Variants in C6orf118 observed in about 807,000 individuals in gnomAD.
C6orf118 encodes chromosome 6 open reading frame 118, also known as uncharacterized protein C6orf118.
A neutral mutation model predicts 50.2 loss-of-function variants in C6orf118; 50 were observed. The ratio of observed to expected loss-of-function variants is 1.00; its 90% CI spans 0.79 to 1.26. The LOEUF is 1.26. Among genes scored for constraint, C6orf118 ranks in the 50% most tolerant of loss-of-function variants. C6orf118 has a pLI of 0.00. For missense variants in C6orf118, 641 were observed against 578.7 expected, an observed-to-expected ratio of 1.11 and a Z score of -1.10; for synonymous variants, 239 against 230.9, an observed-to-expected ratio of 1.03 and a Z score of -0.32.
chr6:165,297,815 G>C (rs777276239), intron 5 of C6orf118, among the ~76,000 whole-genome samples, 162 bp downstream of exon 5: 1 of 152,200 alleles, frequency 6.6e-6, no homozygotes, highest in Non-Finnish European at 1.5e-5. Context: ...AGTCACATAG[G>C]TGATGGCCTG....
At chr6:165,309,501 C>T in intron 1 of C6orf118, 61 bp downstream of exon 1, 14 of 1,598,164 alleles carry the variant, frequency 8.8e-6, no homozygotes, top group Non-Finnish European at 1.2e-5. Context: ...AAGCCCATCC[C>T]TCCACAATTG....
chr6:165,301,446 A>G, intron 2 of C6orf118, 123 bp downstream of exon 2: 1 of 1,342,422 alleles, frequency 7.4e-7, no homozygotes, highest in East Asian at 2.3e-5. Context: ...CACTGCCCCA[A>G]GAGCTATGCC....
intron 8 of C6orf118, 122 bp from the exon 9 acceptor site, chr6:165,280,232 T>C (rs1779681437): frequency 4.5e-6 from 3 of 666,862 alleles, no homozygotes; most frequent in African/African-American, 3.7e-5. Context: ...GATGAGACTT[T>C]GTAATCATTT....
intron 5 of C6orf118, among the ~76,000 whole-genome samples, chr6:165,297,670 A>G (rs1385923993): frequency 6.6e-6 from 1 of 152,148 alleles, no homozygotes; most frequent in East Asian, 1.9e-4. Context: ...AGGGGCATTC[A>G]TATAAGGTGT....
At chr6:165,281,724 A>G (rs1242563180) in intron 7 of C6orf118, 31 bp from the exon 8 acceptor site, 1 of 1,320,514 alleles carries the variant, frequency 7.6e-7, no homozygotes, top group Non-Finnish European at 1.0e-6. Flanking sequence ...AACACAATAT[A>G]CTTGGTTAAA....
At chr6:165,281,918 G>A (rs1779742930) in intron 7 of C6orf118, 2 of 289,134 alleles carry the variant, frequency 6.9e-6, no homozygotes, top group African/African-American at 2.2e-5. Flanking sequence ...GGAAATTGAT[G>A]TTTCAAAATA....
chr6:165,301,520 A>C (rs746903962), intron 2 of C6orf118, 49 bp downstream of exon 2: 1 of 1,562,152 alleles, frequency 6.4e-7, no homozygotes, highest in Non-Finnish European at 8.6e-7. Flanking sequence ...ACCGAGAGCT[A>C]TGCCCTGAGA....
chr6:165,280,653 C>G (rs1779698042), intron 8 of C6orf118, among the ~76,000 whole-genome samples: 1 of 152,120 alleles, frequency 6.6e-6, no homozygotes, highest in Non-Finnish European at 1.5e-5. Context: ...TGGGTAGGAG[C>G]ACCTAGAAAG....
intron 5 of C6orf118, among the ~76,000 whole-genome samples, chr6:165,296,253 T>TTTG (rs1562330038): frequency 5.7e-5 from 3 of 52,958 alleles, no homozygotes; most frequent in African/African-American, 5.3e-4. Context: ...GTTTTTTGTT[T>TTTG]TTTTTTTTTT....
In C6orf118 at chr6:165,288,514, G is replaced by A. The variant is rs1485368026; in HGVS notation, c.1302+1372C>T. On this transcript the variant is annotated intron_variant, in intron 7 of 8. Coordinates refer to ENST00000230301, the MANE Select transcript of C6orf118 (RefSeq NM_144980.4). ...GTCCATTGCAGAACTATTCACAATA[G>A]CAAAGACATGGAATGAACCCAAATG... is the stretch of plus-strand genomic sequence containing the variant. 5.3e-5 allele frequency among the ~76,000 whole-genome samples: 8 copies of A among 152,198 alleles called. No homozygotes were observed. In the South Asian group the frequency reaches 1.2e-3, roughly 24 times the overall value.
chr6:165,282,530 A>G (rs1026552250), intron 7 of C6orf118, among the ~76,000 whole-genome samples: 2 of 152,110 alleles, frequency 1.3e-5, no homozygotes, highest in African/African-American at 4.8e-5. Flanking sequence ...CTGTACTTCA[A>G]AAAGAGGATT....
intron 7 of C6orf118, among the ~76,000 whole-genome samples, chr6:165,284,418 G>T (rs1779835594): frequency 6.6e-6 from 1 of 152,190 alleles, no homozygotes; most frequent in South Asian, 2.1e-4. Context: ...TCATCCAGGA[G>T]AACTTCCCCA....
intron 8 of C6orf118, among the ~76,000 whole-genome samples, chr6:165,280,685 T>G (rs1441109963): frequency 6.6e-6 from 1 of 152,152 alleles, no homozygotes; most frequent in Non-Finnish European, 1.5e-5. Flanking sequence ...CTGAATAAAA[T>G]GGAAAGCCTC....
intron 1 of C6orf118, among the ~76,000 whole-genome samples, chr6:165,307,536 C>T (rs113820942): frequency 6.7e-5 from 10 of 148,324 alleles, no homozygotes; most frequent in African/African-American, 1.8e-4. Flanking sequence ...CCAGCCTGGA[C>T]GACAGAGTGA....
rs759730791 is a variant in C6orf118 at position 165,309,573 on chromosome 6, C to G, written c.14G>C (p.Arg5Pro). The G allele has an allele frequency of 1.9e-6, 3 of 1,614,170 alleles. No individual in the cohort carries two copies. Among genetic ancestry groups the G allele is most frequent in the South Asian group, 1.1e-5 (1 of 91,084 alleles). Residue 5 changes from arginine (R) to proline (P), a missense_variant, in exon 1 of 9, where the codon CGG becomes CCG. Coordinates refer to ENST00000230301, the MANE Select transcript of C6orf118 (RefSeq NM_144980.4). The part of the protein sequence containing the change: MAEE[R>P]EPELYLKWKH... ...TCCAGGCCACTTACATTCAGGCTCC[C>G]GCTCCTCCGCCATCGCTTCCTTCCC...
rs762111866 is a variant in C6orf118 at position 165,293,296 on chromosome 6, C to T, written c.1120+117G>A. On this transcript the variant is annotated intron_variant, in intron 6 of 8. Coordinates refer to ENST00000230301, the MANE Select transcript of C6orf118 (RefSeq NM_144980.4). The stretch of plus-strand genomic sequence containing the variant: ...AATATGTTGAATTCTCGCAACAAAA[C>T]TCAGAGGGAGCATCAGCATCTTCCA... 13 of 946,200 alleles carry T rather than the reference C, an allele frequency of 1.4e-5. No homozygotes were observed. The East Asian group carries it at 2.6e-4, about 19-fold the overall frequency. The allele number at this position is 946,200 out of a possible 1,614,324, so 58.6% of individuals were successfully genotyped here.
chr6:165,282,713 A>G (rs1243190044), intron 7 of C6orf118, among the ~76,000 whole-genome samples: 1 of 150,488 alleles, frequency 6.6e-6, no homozygotes, highest in African/African-American at 2.4e-5. Context: ...CAATTACATA[A>G]TAGAATAACA....
intron 7 of C6orf118, 99 bp downstream of exon 7, chr6:165,289,787 G>T: frequency 2.8e-6 from 2 of 707,520 alleles, no homozygotes; most frequent in Admixed American, 3.2e-5. Flanking sequence ...CAAATTTTAT[G>T]ATTTTTTTAC....
Position 165,297,328 on chromosome 6 carries a change from C to T in C6orf118, c.1061+649G>A, listed in dbSNP as rs186899135. On this transcript the variant is annotated intron_variant, in intron 5 of 8. Transcript: ENST00000230301. ...CCCAGCTACTCAGGAGGCTTGAACCCGGGAGATGGAAGTTGCAATGAACTG... is the reference window on the plus strand; with the variant it reads ...CCCAGCTACTCAGGAGGCTTGAACCTGGGAGATGGAAGTTGCAATGAACTG... Among the ~76,000 whole-genome samples, 65 of 150,984 alleles carry T rather than the reference C, an allele frequency of 4.3e-4. No homozygotes were observed. The East Asian group carries it at 7.8e-3, about 18-fold the overall frequency.
Sources: gnomAD v4.1 joint callset for allele counts (sites outside exome capture counted in the v4.1 genomes callset) on GRCh38, gnomAD v4.1.1 for gene constraint, MANE v1.5 for transcripts, NCBI Gene and HGNC (gene_info 2026-07-23, HGNC 2026-07-21) for gene names.